The following ABCC11 variants were observed in gnomAD, a reference collection of about 807,000 sequenced individuals.
The protein encoded by ABCC11 is ATP binding cassette subfamily C member 11, also known as ATP-binding cassette sub-family C member 11.
In ABCC11, 135 loss-of-function variants were observed where a neutral mutation model predicts 149.3. The ratio of observed to expected loss-of-function variants is 0.90; its 90% confidence interval spans 0.79 to 1.04. ABCC11 has a LOEUF of 1.04. ABCC11 is among the 50% of genes least tolerant of loss of function. The probability of loss-of-function intolerance (pLI) is 0.00; values close to 1 mark genes in which losing one functional copy is unlikely to be tolerated. For missense variants in ABCC11, 1,680 were observed against 1,722.1 expected (o/e 0.98, Z 0.43); for synonymous variants, 665 against 671.4 (o/e 0.99, Z 0.15).
chr16:48,245,737 C>G (rs1237257327), intron 1 of ABCC11, among the ~76,000 whole-genome samples: 1 of 152,092 alleles, frequency 6.6e-6, no homozygotes, highest in Non-Finnish European at 1.5e-5. Context: ...ATTTTGAGTA[C>G]TTGGGGTTAA....
At chr16:48,219,508 T>C (rs947034728) in intron 6 of ABCC11, among the ~76,000 whole-genome samples, 2 of 152,124 alleles carry the variant, frequency 1.3e-5, no homozygotes, top group African/African-American at 2.4e-5. Flanking sequence ...AAAAACCAAG[T>C]TGCTAATGGT....
At chr16:48,194,799 C>A (rs1967244026) in intron 18 of ABCC11, among the ~76,000 whole-genome samples, 1 of 152,240 alleles carries the variant, frequency 6.6e-6, no homozygotes, top group Non-Finnish European at 1.5e-5. Flanking sequence ...AACTTGCCAG[C>A]ACCTTGATCT....
At position 48,178,889 on chromosome 16, in the gene ABCC11, G is replaced by C. The variant is rs80289055; in HGVS notation, c.3259-203C>G. ...AGCTGCAGCTGCGATGGGCAATTCT[G>C]GGGGAGAACCTCCCCAGACACTGTT... is the stretch of plus-strand genomic sequence containing the variant. On this transcript the variant is annotated intron_variant, in intron 23 of 29. Coordinates refer to ENST00000356608, the MANE Select transcript of ABCC11 (RefSeq NM_001370497.1). Among the ~76,000 whole-genome samples the C allele has an allele frequency of 2.1e-4, 32 of 152,234 alleles. No individual in the cohort carries two copies. In the East Asian group the frequency reaches 6.0e-3, roughly 29 times the overall value.
At chr16:48,206,472 G>A (rs902720013) in intron 12 of ABCC11, among the ~76,000 whole-genome samples, 4 of 152,150 alleles carry the variant, frequency 2.6e-5, no homozygotes, top group African/African-American at 9.7e-5. Flanking sequence ...AAAACAAATA[G>A]AGATAGACAC....
intron 18 of ABCC11, among the ~76,000 whole-genome samples, chr16:48,195,580 T>C (rs1449449078): frequency 1.3e-5 from 2 of 152,236 alleles, no homozygotes; most frequent in Non-Finnish European, 2.9e-5. Context: ...TACAGCACCA[T>C]ATACTGAGTT....
chr16:48,224,260 C>T, intron 5 of ABCC11, 22 bp downstream of exon 5: 1 of 1,612,772 alleles, frequency 6.2e-7, no homozygotes, highest in Non-Finnish European at 8.5e-7. Flanking sequence ...GTCCCCCAAA[C>T]CTCACCAAGT....
chr16:48,236,703 G>T (rs535535132), intron 1 of ABCC11, among the ~76,000 whole-genome samples: 1 of 152,308 alleles, frequency 6.6e-6, no homozygotes, highest in South Asian at 2.1e-4. Flanking sequence ...TCCAAAGTAG[G>T]CTGACACATC....
intron 1 of ABCC11, among the ~76,000 whole-genome samples, chr16:48,239,636 AAAC>A (rs765345539): frequency 6.8e-4 from 104 of 152,224 alleles, no homozygotes; most frequent in Non-Finnish European, 1.3e-3. Context: ...TTCATGATGA[AAAC>A]AACAAAAGCA....
At chr16:48,243,800 T>C (rs1971148824) in intron 1 of ABCC11, among the ~76,000 whole-genome samples, 1 of 152,142 alleles carries the variant, frequency 6.6e-6, no homozygotes, top group Non-Finnish European at 1.5e-5. Flanking sequence ...AAGACCAGCC[T>C]GGCCAACATG....
At chr16:48,190,241 G>T (rs1266435764) in intron 20 of ABCC11, among the ~76,000 whole-genome samples, 2 of 152,108 alleles carry the variant, frequency 1.3e-5, no homozygotes, top group African/African-American at 4.8e-5. Context: ...AACCCTACCT[G>T]CACTGTGCAT....
At chr16:48,230,353 C>A in intron 3 of ABCC11, 84 bp downstream of exon 3, 1 of 1,448,742 alleles carries the variant, frequency 6.9e-7, no homozygotes, top group Non-Finnish European at 9.2e-7. Flanking sequence ...GTTATGCAAC[C>A]TTCGTGAGAG....
chr16:48,208,306 C>T (rs892379717), intron 12 of ABCC11, 119 bp downstream of exon 12: 23 of 1,070,232 alleles, frequency 2.1e-5, no homozygotes, highest in Non-Finnish European at 2.9e-5. Context: ...TTATAAAAAT[C>T]CCACTTGCTC....
At chr16:48,228,822 A>G (rs1012701672) in intron 3 of ABCC11, among the ~76,000 whole-genome samples, 1 of 152,200 alleles carries the variant, frequency 6.6e-6, no homozygotes, top group Non-Finnish European at 1.5e-5. Context: ...ATTAAAGATG[A>G]TAAGGTATTA....
At chr16:48,243,922 G>A (rs1971161022) in intron 1 of ABCC11, among the ~76,000 whole-genome samples, 1 of 152,098 alleles carries the variant, frequency 6.6e-6, no homozygotes, top group African/African-American at 2.4e-5. Context: ...AACCCGGGAG[G>A]CAGAGGCTGC....
At chr16:48,225,571 A>G (rs1407816485) in intron 4 of ABCC11, among the ~76,000 whole-genome samples, 1 of 152,228 alleles carries the variant, frequency 6.6e-6, no homozygotes, top group Non-Finnish European at 1.5e-5. Flanking sequence ...CACTAGACCT[A>G]AGGCTTAATG....
chr16:48,189,144 A>G (rs1966849807), intron 20 of ABCC11, among the ~76,000 whole-genome samples: 3 of 152,242 alleles, frequency 2.0e-5, no homozygotes, highest in Non-Finnish European at 4.4e-5. Context: ...TACTTGAGCT[A>G]AAGCAATCAG....
chr16:48,230,327 G>T, intron 3 of ABCC11, 110 bp downstream of exon 3: 2 of 1,327,490 alleles, frequency 1.5e-6, no homozygotes, highest in Non-Finnish European at 2.0e-6. Context: ...AAGGGATTTG[G>T]CTGTGTAGGG....
chr16:48,209,444 G>A (rs1220940746), intron 11 of ABCC11: 1 of 152,242 alleles, frequency 6.6e-6, no homozygotes, highest in East Asian at 1.9e-4. Context: ...CATCAGGCAA[G>A]ATTCTCATAA....
At position 48,170,127 on chromosome 16, in the gene ABCC11, C is replaced by T; in HGVS notation, c.3869G>A (p.Arg1290Lys). ...VGERQLLCIA[R>K]AVLRNSKIIL... is the part of the protein sequence containing the mutation. ...CACCTTGGAGTTGCGAAGCACAGCC[C>T]TGGCAATGCAGAGCAGCTGCCTCTC... Residue 1290 changes from arginine to lysine, a missense_variant, in exon 28 of 30, where the codon AGG becomes AAG. Physicochemically the swap from Arg to Lys is conservative, Grantham distance 26. Coordinates refer to ENST00000356608, the MANE Select transcript of ABCC11 (RefSeq NM_001370497.1). 1.9e-6 allele frequency: 3 copies of T among 1,614,076 alleles called. No homozygotes were observed. The highest frequency in any genetic ancestry group is 2.5e-6 in the Non-Finnish European group (3 of 1,179,944).
Sources: allele counts gnomAD v4.1 joint callset (sites outside exome capture counted in the v4.1 genomes callset), GRCh38; gene constraint gnomAD v4.1.1; transcripts MANE v1.5; gene names NCBI Gene and HGNC (gene_info 2026-07-23, HGNC 2026-07-21).